C2CD5: variants seen among roughly 807,000 people sequenced by gnomAD.
C2CD5 encodes the protein C2 domain-containing protein 5.
C2CD5 carries 109 observed loss-of-function variants against 130.3 expected under a neutral mutation model. The ratio of observed to expected loss-of-function variants is 0.84; its 90% CI spans 0.72 to 0.98. C2CD5 has a LOEUF of 0.98. Ranked by LOEUF, C2CD5 falls within the 50% of genes least tolerant of loss-of-function variation. The pLI, the probability that C2CD5 is intolerant of heterozygous loss-of-function variation, is 0.00. For synonymous variants in C2CD5, 454 were observed against 429.2 expected (o/e 1.06, Z -0.71); for missense variants, 996 against 1,261.8 (o/e 0.79, Z 3.19).
At chr12:22,506,192 TGTGTTGCCCAGGTTGTTGC>T (rs1948514180) in intron 10 of C2CD5, among the ~76,000 whole-genome samples, 3 of 152,112 alleles carry the variant, frequency 2.0e-5, no homozygotes, top group Admixed American at 2.0e-4. Context: ...TAGGTCTTGT[TGTGTTGCCCAGGTTGTTGC>T]CCAAGTCTGG....
chr12:22,469,484 G>A (rs1942663891), intron 22 of C2CD5, among the ~76,000 whole-genome samples: 1 of 152,018 alleles, frequency 6.6e-6, no homozygotes, highest in East Asian at 1.9e-4. Flanking sequence ...TATGAGAATA[G>A]AATATCATAG....
At chr12:22,459,619 C>T (rs543475926) in intron 22 of C2CD5, 77 bp from the exon 23 acceptor site, 14 of 815,004 alleles carry the variant, frequency 1.7e-5, no homozygotes, top group African/African-American at 1.4e-4. Flanking sequence ...TTTGTTAATA[C>T]CTCTATAAGC....
At chr12:22,515,039 G>C (rs1430008754) in intron 8 of C2CD5, 37 of 985,032 alleles carry the variant, frequency 3.8e-5, no homozygotes, top group Non-Finnish European at 4.5e-5. Context: ...ATGATGAGGG[G>C]TAAGGCTAGA....
chr12:22,530,999 A>G (rs1951218655), intron 3 of C2CD5, among the ~76,000 whole-genome samples: 1 of 152,220 alleles, frequency 6.6e-6, no homozygotes, highest in African/African-American at 2.4e-5. Flanking sequence ...AATGAAAACT[A>G]TTCGTTTTTA....
At chr12:22,451,998 T>A (rs546833223) in intron 26 of C2CD5, among the ~76,000 whole-genome samples, 2 of 152,302 alleles carry the variant, frequency 1.3e-5, no homozygotes, top group Non-Finnish European at 2.9e-5. Flanking sequence ...ATGAGAAAAC[T>A]GAGGCATAGA....
chr12:22,525,697 C>A lies in C2CD5; in HGVS notation c.358G>T (p.Gly120Trp). 6.1e-6 allele frequency: 9 copies of A among 1,483,166 alleles called. No homozygotes were observed. The highest frequency in any genetic ancestry group is 8.5e-6 in the Non-Finnish European group (9 of 1,062,294). 91.9% of individuals were successfully genotyped at this position (1,483,166 alleles called of 1,614,324 possible). ...PIYDTIHGIR[G>W]EINVVVKVDL... ...ACTTTGACAACTACATTGATTTCCC[C>A]ACGGATACCTATAAATTTAAAAAGA... Residue 120 changes from glycine (G) to tryptophan (W), a missense_variant, in exon 5 of 27, where the codon GGG (glycine) becomes TGG (tryptophan). Physicochemically the swap from Gly to Trp is radical, Grantham distance 184. Coordinates refer to ENST00000446597, the MANE Select transcript of C2CD5 (RefSeq NM_001286176.2).
intron 14 of C2CD5, among the ~76,000 whole-genome samples, chr12:22,480,430 A>G (rs1408442087): frequency 6.6e-6 from 1 of 152,218 alleles, no homozygotes; most frequent in African/African-American, 2.4e-5. Context: ...TTAAGTGCAC[A>G]AACTATAACA....
Position 22,544,374 on chromosome 12 carries a change from A to C in C2CD5, c.-84T>G. ...CGGGTGCTGAGACCTCATTCCGGAGAGGCGGCGGGAGGAAGGGCTTTGATG... is the reference window on the plus strand; with the variant it reads ...CGGGTGCTGAGACCTCATTCCGGAGCGGCGGCGGGAGGAAGGGCTTTGATG... On this transcript the variant is annotated 5_prime_UTR_variant, in exon 1 of 27. Coordinates refer to ENST00000446597, the MANE Select transcript of C2CD5 (RefSeq NM_001286176.2). The C allele has an allele frequency of 2.3e-6, 1 of 434,802 alleles. No homozygotes were observed. Among genetic ancestry groups the C allele is most frequent in the Non-Finnish European group, 4.1e-6 (1 of 246,642 alleles). 26.9% of individuals were successfully genotyped at this position (434,802 alleles called of 1,614,324 possible).
chr12:22,495,768 C>T (rs1946936062), intron 10 of C2CD5, among the ~76,000 whole-genome samples: 1 of 152,076 alleles, frequency 6.6e-6, no homozygotes, highest in African/African-American at 2.4e-5. Context: ...TATGTCCACA[C>T]TCCAGAAAAC....
chr12:22,457,081 C>T lies in C2CD5; in HGVS notation c.2767G>A (p.Val923Ile). The T allele has an allele frequency of 1.2e-6, 2 of 1,613,174 alleles. No individual in the cohort carries two copies. Among genetic ancestry groups the T allele is most frequent in the African/African-American group, 1.3e-5 (1 of 75,012 alleles). ...RSAPPCANST[V>I]GVVKMTPLSF... is the part of the protein sequence containing the mutation. ...AGAGGTGTCATCTTAACAACCCCAACTGTGGAATTTGCACAAGGTGGAGCA... is the reference window on the plus strand; with the variant it reads ...AGAGGTGTCATCTTAACAACCCCAATTGTGGAATTTGCACAAGGTGGAGCA... The change falls in exon 25 of 27, where the codon GTT (valine) becomes ATT (isoleucine). Residue 923 changes from valine to isoleucine, a missense_variant. By Grantham distance (29) the Val-to-Ile change is conservative. Around this residue, in one of 9 missense-constraint regions of C2CD5, gnomAD observed 590 missense variants for 631.4 expected, o/e 0.93. Coordinates refer to ENST00000446597, the MANE Select transcript of C2CD5 (RefSeq NM_001286176.2).
chr12:22,458,562 A>G lies in C2CD5; in HGVS notation c.2608T>C (p.Phe870Leu). 2 of 1,291,426 alleles carry G rather than the reference A, an allele frequency of 1.5e-6. No homozygotes were observed. Among genetic ancestry groups the G allele is most frequent in the Non-Finnish European group, 2.0e-6 (2 of 1,018,172 alleles). The allele number at this position is 1,291,426 out of a possible 1,614,324, so 80.0% of individuals were successfully genotyped here. A position where few individuals can be genotyped will look rare whatever the true frequency, so the allele number is the denominator to read the frequency against. Residue 870 changes from phenylalanine (F) to leucine (L), a missense_variant, in exon 24 of 27, where the codon TTT becomes CTT. By Grantham distance (22) the Phe-to-Leu change is conservative. Transcript: ENST00000446597. ...ATCCAGCTGCTGCATCTGTCTGCAAAGGAACTGTAATCAACTGACGTTGCT... is the reference window on the plus strand; with the variant it reads ...ATCCAGCTGCTGCATCTGTCTGCAAGGGAACTGTAATCAACTGACGTTGCT... ...QRATSVDYSSFADRCSSWIEL... is the reference protein window; with the variant it reads ...QRATSVDYSSLADRCSSWIEL...
chr12:22,499,871 G>A (rs1379398917), intron 10 of C2CD5, among the ~76,000 whole-genome samples: 1 of 152,134 alleles, frequency 6.6e-6, no homozygotes, highest in East Asian at 1.9e-4. Flanking sequence ...CTAATATTGA[G>A]TTCCCTTCTT....
At chr12:22,483,340 T>C (rs1167192206) in intron 13 of C2CD5, among the ~76,000 whole-genome samples, 2 of 152,102 alleles carry the variant, frequency 1.3e-5, no homozygotes, top group African/African-American at 2.4e-5. Context: ...AAGAAAATGT[T>C]AGTCATTAAA....
chr12:22,471,881 G>A, intron 19 of C2CD5, 86 bp downstream of exon 19: 3 of 773,988 alleles, frequency 3.9e-6, no homozygotes, highest in Non-Finnish European at 6.9e-6. Flanking sequence ...AACTGTGTAA[G>A]GTATTACAGA....
At chr12:22,544,033 G>A in intron 2 of C2CD5, 28 bp downstream of exon 2, 2 of 1,557,956 alleles carry the variant, frequency 1.3e-6, no homozygotes, top group Non-Finnish European at 1.8e-6. Context: ...CGCTCCCTGT[G>A]TTTTGAGGGG....
intron 15 of C2CD5, chr12:22,477,962 C>T (rs74068597): frequency 0.028 from 5,534 of 198,984 alleles, 358 homozygotes; most frequent in African/African-American, 0.12. Context: ...CCTCATGAAG[C>T]TTCATTCTAC....
intron 10 of C2CD5, among the ~76,000 whole-genome samples, chr12:22,500,208 A>G (rs1947584127): frequency 6.6e-6 from 1 of 151,804 alleles, no homozygotes; most frequent in Non-Finnish European, 1.5e-5. Flanking sequence ...CTAACGCTGT[A>G]GTTAACACAA....
chr12:22,537,310 G>T (rs573395524), intron 2 of C2CD5, among the ~76,000 whole-genome samples: 2 of 152,312 alleles, frequency 1.3e-5, no homozygotes, highest in South Asian at 4.1e-4. Flanking sequence ...TGCTACTCAA[G>T]AAGCTAAGGC....
At chr12:22,519,865 GGAAAC>G (rs1950110074) in intron 7 of C2CD5, among the ~76,000 whole-genome samples, 1 of 151,830 alleles carries the variant, frequency 6.6e-6, no homozygotes, top group Admixed American at 6.6e-5. Flanking sequence ...AGGTTACACT[GGAAAC>G]AAAACAAGGG....
Sources: allele counts gnomAD v4.1 joint callset (sites outside exome capture counted in the v4.1 genomes callset), GRCh38; gene constraint gnomAD v4.1.1; regional missense constraint gnomAD v4.1.1; transcripts MANE v1.5; gene names NCBI Gene and HGNC (gene_info 2026-07-23, HGNC 2026-07-21).